HBZ: variants seen among roughly 807,000 people sequenced by gnomAD.
HBZ encodes hemoglobin zeta chain.
A neutral mutation model predicts 5.8 loss-of-function variants in HBZ; 2 were observed. The observed-to-expected ratio is 0.34, with a 90% CI of 0.14 to 1.09. The LOEUF (loss-of-function observed/expected upper bound fraction) is 1.09, where lower values mean the gene tolerates loss of function less well. Ranked by LOEUF, HBZ falls within the 50% of genes least tolerant of loss-of-function variation. HBZ has a pLI of 0.42. For missense variants in HBZ, 47 were observed against 97.8 expected (o/e 0.48, Z 2.19); for synonymous variants, 39 against 47.4 (o/e 0.82, Z 0.73).
chr16:152,737 G>A lies in HBZ; in HGVS notation c.-173G>A. 1.6e-6 allele frequency: 2 copies of A among 1,232,468 alleles called. No individual in the cohort carries two copies. Among genetic ancestry groups the A allele is most frequent in the Non-Finnish European group, 2.2e-6 (2 of 911,130 alleles). 76.3% of individuals were successfully genotyped at this position (1,232,468 alleles called of 1,614,324 possible). ...CCCACCAGGCCCTGAGGGCCCCTTT[G>A]TCACTGGATCTGATAAGAAACACCA... On this transcript the variant is annotated 5_prime_UTR_variant, in exon 1 of 3. Coordinates refer to ENST00000252951, the MANE Select transcript of HBZ (RefSeq NM_005332.3).
In HBZ at chr16:152,717, C is replaced by G; in HGVS notation, c.-193C>G. On this transcript the variant is annotated 5_prime_UTR_variant, in exon 1 of 3. Coordinates refer to ENST00000252951, the MANE Select transcript of HBZ (RefSeq NM_005332.3). ...GATAGCCCCCAAACCCCAGTCCCAC[C>G]AGGCCCTGAGGGCCCCTTTGTCACT... 2.9e-6 allele frequency: 3 copies of G among 1,034,614 alleles called. No individual in the cohort carries two copies. The highest frequency in any genetic ancestry group is 4.0e-6 in the Non-Finnish European group (3 of 753,116). The allele number at this position is 1,034,614 out of a possible 1,614,324, so 64.1% of individuals were successfully genotyped here.
At position 152,963 on chromosome 16, in the gene HBZ, C is replaced by T. The variant is rs764421360; in HGVS notation, c.54C>T (p.Ile18=). 5 of 1,612,200 alleles carry T rather than the reference C, an allele frequency of 3.1e-6. No individual in the cohort carries two copies. The South Asian group carries it at 4.4e-5, about 14-fold the overall frequency. The change falls in exon 1 of 3, where the codon ATC becomes ATT. Residue 18 remains isoleucine, a synonymous_variant. Transcript: ENST00000252951. ...RTIIVSMWAK[I]STQADTIGTE... is the part of the protein sequence containing the mutation. ...TCATTGTGTCCATGTGGGCCAAGAT[C>T]TCCACGCAGGCCGACACCATCGGCA...
chr16:153,095 GT>G, intron 1 of HBZ, 91 bp downstream of exon 1: 2 of 729,204 alleles, frequency 2.7e-6, no homozygotes, highest in Non-Finnish European at 4.5e-6. Context: ...GGAGGGGACA[GT>G]GGGGAGGGGA....
At chr16:153,363 C>T (rs1901653792) in intron 1 of HBZ, among the ~76,000 whole-genome samples, 1 of 141,646 alleles carries the variant, frequency 7.1e-6, no homozygotes, top group African/African-American at 2.6e-5. Context: ...AGGTTTCGTT[C>T]TAGGCCTGAA....
chr16:154,144 GC>G (rs1322694634), intron 2 of HBZ, 48 bp downstream of exon 2: 1 of 153,290 alleles, frequency 6.5e-6, no homozygotes, highest in Non-Finnish European at 9.5e-6. Flanking sequence ...GGGGCGCGGT[GC>G]GGGCGGGGCG....
At position 153,326 on chromosome 16, in the gene HBZ, C is replaced by T. The variant is rs1347898261; in HGVS notation, c.95+322C>T. Among the ~76,000 whole-genome samples the T allele has an allele frequency of 2.0e-5, 3 of 148,626 alleles. No homozygotes were observed. In the East Asian group the frequency reaches 6.1e-4, roughly 30 times the overall value. ...TCGCTGAGACCTGGGCAGGCACAGG[C>T]CCAGGTTCTGACAAGCAGAGGGTGA... is the stretch of plus-strand genomic sequence containing the variant. On this transcript the variant is annotated intron_variant, in intron 1 of 2. Coordinates refer to ENST00000252951, the MANE Select transcript of HBZ (RefSeq NM_005332.3).
In HBZ at chr16:152,866, T is replaced by A; in HGVS notation, c.-44T>A. ...GGGGGCTGAGCACTACCAAGGCCAG[T>A]CCTGAGCAGGCCCAACTCCAGTGCA... On this transcript the variant is annotated 5_prime_UTR_variant, in exon 1 of 3. Coordinates refer to ENST00000252951, the MANE Select transcript of HBZ (RefSeq NM_005332.3). 1 of 1,609,980 alleles carries A rather than the reference T, an allele frequency of 6.2e-7. No individual in the cohort carries two copies. Among genetic ancestry groups the A allele is most frequent in the Non-Finnish European group, 8.5e-7 (1 of 1,178,890 alleles).
chr16:152,647 C>T lies in HBZ; in HGVS notation c.-263C>T. 2 of 548,762 alleles carry T rather than the reference C, an allele frequency of 3.6e-6. No homozygotes were observed. Among genetic ancestry groups the T allele is most frequent in the Non-Finnish European group, 6.3e-6 (2 of 315,984 alleles). The allele number at this position is 548,762 out of a possible 1,614,324, so 34.0% of individuals were successfully genotyped here. Reference sequence around the variant, plus strand: ...ATCTCTCCTAGACTCTGTGGTCAGACTCTGGCCAACACCCCCTGTAAGGCC... The same window carrying T: ...ATCTCTCCTAGACTCTGTGGTCAGATTCTGGCCAACACCCCCTGTAAGGCC... On this transcript the variant is annotated 5_prime_UTR_variant, in exon 1 of 3. Transcript: ENST00000252951.
intron 1 of HBZ, 91 bp downstream of exon 1, chr16:153,095 G>A (rs541568980): frequency 0.012 from 8,563 of 729,020 alleles, 140 homozygotes; most frequent in South Asian, 0.017. Flanking sequence ...GGAGGGGACA[G>A]TGGGGAGGGG....
chr16:152,690 G>GT lies in HBZ; in HGVS notation c.-219dup, dbSNP rs1901634926. On this transcript the variant is annotated 5_prime_UTR_variant, in exon 1 of 3. Coordinates refer to ENST00000252951, the MANE Select transcript of HBZ (RefSeq NM_005332.3). ...GTAAGGCCACAGGAGAGGAACAGGA[G>GT]TGATAGCCCCCAAACCCCAGTCCCA... 2.6e-6 allele frequency: 2 copies of GT among 757,630 alleles called. No individual in the cohort carries two copies. Among genetic ancestry groups the GT allele is most frequent in the Non-Finnish European group, 2.1e-6 (1 of 487,704 alleles). The allele number at this position is 757,630 out of a possible 1,614,324, so 46.9% of individuals were successfully genotyped here. A position where few individuals can be genotyped will look rare whatever the true frequency, so the allele number is the denominator to read the frequency against.
Position 152,803 on chromosome 16 carries a change from C to T in HBZ, c.-107C>T. ...CCCCTCACCTGACCAATGGCCACAG[C>T]CTGGCTGGGCCCAGCTCCCTGTATA... On this transcript the variant is annotated 5_prime_UTR_variant, in exon 1 of 3. Transcript: ENST00000252951. 1 of 1,534,034 alleles carries T rather than the reference C, an allele frequency of 6.5e-7. No homozygotes were observed. The highest frequency in any genetic ancestry group is 1.2e-5 in the South Asian group (1 of 84,926).
In HBZ at chr16:154,441, C is replaced by G; in HGVS notation, c.*41C>G. The G allele has an allele frequency of 7.2e-7, 1 of 1,380,796 alleles. No homozygotes were observed. Among genetic ancestry groups the G allele is most frequent in the Non-Finnish European group, 9.6e-7 (1 of 1,037,194 alleles). 85.5% of individuals were successfully genotyped at this position (1,380,796 alleles called of 1,614,324 possible). A position where few individuals can be genotyped will look rare whatever the true frequency, so the allele number is the denominator to read the frequency against. On this transcript the variant is annotated 3_prime_UTR_variant, in exon 3 of 3. Coordinates refer to ENST00000252951, the MANE Select transcript of HBZ (RefSeq NM_005332.3). ...CCCCCAGGACAGGCTGCGGCCCCTC[C>G]CCCGTCCTGGAGGTTCCCCAGCCCC...
intron 1 of HBZ, among the ~76,000 whole-genome samples, chr16:153,634 G>A (rs1901656832): frequency 1.5e-4 from 1 of 6,578 alleles, no homozygotes; most frequent in African/African-American, 5.5e-4. Flanking sequence ...GGCGGAGGGC[G>A]GGAGATTTGG....
chr16:153,377 C>A (rs1338133722), intron 1 of HBZ, among the ~76,000 whole-genome samples: 3 of 137,886 alleles, frequency 2.2e-5, no homozygotes, highest in Admixed American at 7.3e-5. Context: ...GCCTGAAGGG[C>A]CTTACAGGGC....
In HBZ at chr16:154,367, C is replaced by T; in HGVS notation, c.396C>T (p.Val132=). Residue 132 remains valine (V), a synonymous_variant, in exon 3 of 3, where the codon GTC becomes GTT. Coordinates refer to ENST00000252951, the MANE Select transcript of HBZ (RefSeq NM_005332.3). ...AHAAWDKFLS[V]VSSVLTEKYR is the part of the protein sequence containing the mutation. ...CCGCCTGGGACAAGTTCCTATCGGTCGTATCCTCTGTCCTGACCGAGAAGT... is the reference window on the plus strand; with the variant it reads ...CCGCCTGGGACAAGTTCCTATCGGTTGTATCCTCTGTCCTGACCGAGAAGT... 6.5e-7 allele frequency: 1 copy of T among 1,541,890 alleles called. No homozygotes were observed.
chr16:154,387 A>G lies in HBZ; in HGVS notation c.416A>G (p.Glu139Gly). The part of the protein sequence containing the change: ...FLSVVSSVLT[E>G]KYR Reference sequence around the variant, plus strand: ...TCGGTCGTATCCTCTGTCCTGACCGAGAAGTACCGCTGAGCGCCGCCTCCG... The same window carrying G: ...TCGGTCGTATCCTCTGTCCTGACCGGGAAGTACCGCTGAGCGCCGCCTCCG... Residue 139 changes from glutamate to glycine, a missense_variant, in exon 3 of 3, where the codon GAG (glutamate) becomes GGG (glycine). Physicochemically the swap from Glu to Gly is moderately conservative, Grantham distance 98. Coordinates refer to ENST00000252951, the MANE Select transcript of HBZ (RefSeq NM_005332.3). The G allele has an allele frequency of 6.6e-7, 1 of 1,526,456 alleles. No homozygotes were observed. The highest frequency in any genetic ancestry group is 8.8e-7 in the Non-Finnish European group (1 of 1,131,272). 94.6% of individuals were successfully genotyped at this position (1,526,456 alleles called of 1,614,324 possible). A position where few individuals can be genotyped will look rare whatever the true frequency, so the allele number is the denominator to read the frequency against.
In HBZ at chr16:154,007, G is replaced by T; in HGVS notation, c.211G>T (p.Val71Leu). 1.3e-5 allele frequency: 1 copy of T among 79,672 alleles called. No individual in the cohort carries two copies. Among genetic ancestry groups the T allele is most frequent in the Non-Finnish European group, 2.0e-5 (1 of 50,570 alleles). The allele number at this position is 79,672 out of a possible 1,614,324, so 4.9% of individuals were successfully genotyped here. ...SKVVAAVGDA[V>L]KSIDDIGGAL... ...GGTGGTGGCCGCCGTGGGCGACGCG[G>T]TGAAGAGCATCGACGACATCGGCGG... Residue 71 changes from valine to leucine, a missense_variant, in exon 2 of 3, where the codon GTG becomes TTG. Val to Leu is a conservative substitution (Grantham distance 32). Coordinates refer to ENST00000252951, the MANE Select transcript of HBZ (RefSeq NM_005332.3).
At position 152,717 on chromosome 16, in the gene HBZ, C is replaced by T. The variant is rs531891650; in HGVS notation, c.-193C>T. The stretch of plus-strand genomic sequence containing the variant: ...GATAGCCCCCAAACCCCAGTCCCAC[C>T]AGGCCCTGAGGGCCCCTTTGTCACT... On this transcript the variant is annotated 5_prime_UTR_variant, in exon 1 of 3. Coordinates refer to ENST00000252951, the MANE Select transcript of HBZ (RefSeq NM_005332.3). 19 of 1,034,614 alleles carry T rather than the reference C, an allele frequency of 1.8e-5. No individual in the cohort carries two copies. In the African/African-American group the frequency reaches 2.9e-4, roughly 16 times the overall value. 64.1% of individuals were successfully genotyped at this position (1,034,614 alleles called of 1,614,324 possible). A position where few individuals can be genotyped will look rare whatever the true frequency, so the allele number is the denominator to read the frequency against.
At chr16:153,327 C>G (rs1398743781) in intron 1 of HBZ, among the ~76,000 whole-genome samples, 1 of 148,276 alleles carries the variant, frequency 6.7e-6, no homozygotes, top group Non-Finnish European at 1.5e-5. Flanking sequence ...AGGCACAGGC[C>G]CAGGTTCTGA....
Sources: gnomAD v4.1 joint callset for allele counts (sites outside exome capture counted in the v4.1 genomes callset) on GRCh38, gnomAD v4.1.1 for gene constraint, MANE v1.5 for transcripts, NCBI Gene and HGNC (gene_info 2026-07-23, HGNC 2026-07-21) for gene names.